The following ARHGAP1 variants were observed in gnomAD, a reference collection of about 807,000 sequenced individuals.
ARHGAP1 encodes rho GTPase-activating protein 1.
Under a neutral mutation model 52.2 loss-of-function variants are expected in ARHGAP1, and 23 were observed. The observed-to-expected ratio is 0.44, with a 90% CI of 0.32 to 0.62. The LOEUF is 0.62. Among genes scored for constraint, ARHGAP1 ranks in the 20% least tolerant of loss-of-function variants. The pLI is 0.05. For missense variants in ARHGAP1, 480 were observed against 560.9 expected (o/e 0.86, Z 1.46); for synonymous variants, 210 against 228.4 (o/e 0.92, Z 0.73).
intron 4 of ARHGAP1, among the ~76,000 whole-genome samples, chr11:46,685,788 C>G (rs1040088359): frequency 3.2e-4 from 46 of 145,890 alleles, no homozygotes; most frequent in Admixed American, 3.5e-4. Flanking sequence ...AAGCAATTCT[C>G]TTGCCTCAGC....
chr11:46,685,742 A>G (rs1421843144), intron 4 of ARHGAP1, among the ~76,000 whole-genome samples: 1 of 144,408 alleles, frequency 6.9e-6, no homozygotes, highest in African/African-American at 2.6e-5. Context: ...GCAGTGGCGC[A>G]ATCTCGGCTG....
Position 46,681,764 on chromosome 11 carries a change from T to C in ARHGAP1, c.449+287A>G, listed in dbSNP as rs2064530533. On this transcript the variant is annotated intron_variant, in intron 5 of 12. Coordinates refer to ENST00000311956, the MANE Select transcript of ARHGAP1 (RefSeq NM_004308.5). The surrounding 1 kb of genome is among the most constrained non-coding windows in gnomAD (Gnocchi z 5.7). ...GCATATTTTCTGATTTGAACATGCATGGCCAGCATGCGAGGTAAGGGCCAT... is the reference window on the plus strand; with the variant it reads ...GCATATTTTCTGATTTGAACATGCACGGCCAGCATGCGAGGTAAGGGCCAT... Among the ~76,000 whole-genome samples, 1 of 152,152 alleles carries C rather than the reference T, an allele frequency of 6.6e-6. No individual in the cohort carries two copies. Among genetic ancestry groups the C allele is most frequent in the Non-Finnish European group, 1.5e-5 (1 of 68,018 alleles).
chr11:46,685,648 A>G (rs891589044), intron 4 of ARHGAP1, among the ~76,000 whole-genome samples: 3 of 149,096 alleles, frequency 2.0e-5, no homozygotes, highest in Non-Finnish European at 4.4e-5. Context: ...TAATGCCCAC[A>G]ACAGCCCTGG....
chr11:46,692,207 C>T (rs2064619922), intron 3 of ARHGAP1, among the ~76,000 whole-genome samples: 1 of 152,166 alleles, frequency 6.6e-6, no homozygotes, highest in Admixed American at 6.5e-5. Context: ...TGGCAGGGGC[C>T]AGGGACAAAG....
intron 3 of ARHGAP1, among the ~76,000 whole-genome samples, chr11:46,692,375 C>A (rs901527478): frequency 9.9e-5 from 15 of 152,196 alleles, no homozygotes; most frequent in Non-Finnish European, 1.9e-4. Flanking sequence ...ATGGGGGCTA[C>A]CAAAAGGATC....
chr11:46,680,220 G>T lies in ARHGAP1; in HGVS notation c.883C>A (p.Gln295Lys). The change falls in exon 10 of 13, where the codon CAG becomes AAG. Residue 295 changes from glutamine to lysine, a missense_variant. By Grantham distance (53) the Gln-to-Lys change is moderately conservative (BLOSUM62 1). Transcript: ENST00000311956. The surrounding 1 kb of genome is among the most constrained non-coding windows in gnomAD (Gnocchi z 5.9). ...ANTQVVREVQQKYNMGLPVDF... is the reference protein window; with the variant it reads ...ANTQVVREVQKKYNMGLPVDF... ...GGCTGCTCACCCATGTTGTACTTCT[G>T]CTGCACTTCCCGGACCACTTGGGTG... The T allele has an allele frequency of 1.2e-6, 2 of 1,614,104 alleles. No homozygotes were observed. Among genetic ancestry groups the T allele is most frequent in the Non-Finnish European group, 1.7e-6 (2 of 1,180,020 alleles).
At chr11:46,694,541 G>A (rs2064638414) in intron 3 of ARHGAP1, among the ~76,000 whole-genome samples, 1 of 152,064 alleles carries the variant, frequency 6.6e-6, no homozygotes, top group African/African-American at 2.4e-5. Context: ...GGTGGGGAGG[G>A]GCAGGCTCCC....
At chr11:46,688,347 A>C in intron 3 of ARHGAP1, 87 bp from the exon 4 acceptor site, 1 of 1,335,006 alleles carries the variant, frequency 7.5e-7, no homozygotes, top group Non-Finnish European at 1.0e-6. Context: ...AGGCCTGCTG[A>C]TCTGAGCCAG....
intron 3 of ARHGAP1, among the ~76,000 whole-genome samples, chr11:46,688,538 G>A (rs966687973): frequency 6.6e-6 from 1 of 152,036 alleles, no homozygotes; most frequent in African/African-American, 2.4e-5. Context: ...CTGGAATGTA[G>A]TGGCGCAATC....
At chr11:46,694,502 G>A (rs2064638120) in intron 3 of ARHGAP1, among the ~76,000 whole-genome samples, 1 of 152,212 alleles carries the variant, frequency 6.6e-6, no homozygotes, top group Non-Finnish European at 1.5e-5. Flanking sequence ...CTGTGCGGGG[G>A]TTGTGGGGAA....
chr11:46,679,130 G>T lies in ARHGAP1; in HGVS notation c.1227C>A (p.Thr409=). Residue 409 remains threonine (T), a synonymous_variant, in exon 13 of 13, where the codon ACC becomes ACA. Coordinates refer to ENST00000311956, the MANE Select transcript of ARHGAP1 (RefSeq NM_004308.5). The surrounding 1 kb of genome is among the most constrained non-coding windows in gnomAD (Gnocchi z 4.4). The part of the protein sequence containing the change: ...NLLWAKDAAI[T]LKAINPINTF... ...TGTTGATGGGATTAATGGCCTTGAG[G>T]GTGATGGCCGCATCCTTGGCCCACA... 1 of 1,614,116 alleles carries T rather than the reference G, an allele frequency of 6.2e-7. No homozygotes were observed. The highest frequency in any genetic ancestry group is 8.5e-7 in the Non-Finnish European group (1 of 1,179,976).
In ARHGAP1 at chr11:46,679,770, G is replaced by A. The variant is rs1180121856; in HGVS notation, c.905C>T (p.Pro302Leu). The change falls in exon 11 of 13, where the codon CCT becomes CTT. Residue 302 changes from proline to leucine, a missense_variant. Pro to Leu is a moderately conservative substitution (Grantham distance 98, BLOSUM62 -3). Transcript: ENST00000311956. The surrounding 1 kb of genome is among the most constrained non-coding windows in gnomAD (Gnocchi z 4.4). ...EVQQKYNMGL[P>L]VDFDQYNELH... ...CTCATTGTACTGGTCGAAATCCACA[G>A]GCAGCCCTGGGGTGGGGGCAGCGTG... 6.8e-6 allele frequency: 11 copies of A among 1,613,500 alleles called. No homozygotes were observed. Among genetic ancestry groups the A allele is most frequent in the Non-Finnish European group, 9.3e-6 (11 of 1,179,910 alleles).
At chr11:46,691,761 G>T (rs1763978113) in intron 3 of ARHGAP1, among the ~76,000 whole-genome samples, 1 of 151,822 alleles carries the variant, frequency 6.6e-6, no homozygotes, top group African/African-American at 2.4e-5. Context: ...CTTAATTTTT[G>T]TATTTTAGTA....
rs975134009 is a variant in ARHGAP1, at chr11:46,696,499, C to T, written c.-49-343G>A. ...CCCAGCTGTAGAGGGCAGAGGTCCA[C>T]GCCCCTCGCCTCAGGAGACCTGGAC... On this transcript the variant is annotated intron_variant, in intron 1 of 12. Coordinates refer to ENST00000311956, the MANE Select transcript of ARHGAP1 (RefSeq NM_004308.5). The surrounding 1 kb of genome is among the most constrained non-coding windows in gnomAD (Gnocchi z 4.8). 3.3e-5 allele frequency among the ~76,000 whole-genome samples: 5 copies of T among 152,296 alleles called. No individual in the cohort carries two copies. The South Asian group carries it at 6.2e-4, about 19-fold the overall frequency.
At chr11:46,692,229 C>G (rs1045998948) in intron 3 of ARHGAP1, among the ~76,000 whole-genome samples, 12 of 152,182 alleles carry the variant, frequency 7.9e-5, no homozygotes, top group African/African-American at 2.7e-4. Flanking sequence ...GTTAGACTGG[C>G]AAGCCCAGTC....
intron 4 of ARHGAP1, among the ~76,000 whole-genome samples, chr11:46,683,603 G>C (rs926132301): frequency 2.0e-5 from 3 of 151,318 alleles, no homozygotes; most frequent in Non-Finnish European, 4.4e-5. Context: ...GAATGAACAA[G>C]AACTGGGGAA....
At chr11:46,684,629 GC>G (rs2064554266) in intron 4 of ARHGAP1, among the ~76,000 whole-genome samples, 1 of 152,196 alleles carries the variant, frequency 6.6e-6, no homozygotes, top group African/African-American at 2.4e-5. Flanking sequence ...CAGTGTTTAT[GC>G]CCTTTGTAGG....
intron 3 of ARHGAP1, chr11:46,695,348 G>T (rs2064644091): frequency 2.5e-6 from 1 of 406,850 alleles, no homozygotes; most frequent in South Asian, 2.0e-5. Context: ...TGGAGGGGTA[G>T]GAGGGCAATA....
At chr11:46,686,101 A>C (rs1364818946) in intron 4 of ARHGAP1, among the ~76,000 whole-genome samples, 1 of 151,000 alleles carries the variant, frequency 6.6e-6, no homozygotes, top group African/African-American at 2.4e-5. Context: ...CCTCTTGAGT[A>C]GCTGGGATTA....
Sources: allele counts gnomAD v4.1 joint callset (sites outside exome capture counted in the v4.1 genomes callset), GRCh38; gene constraint gnomAD v4.1.1; non-coding constraint Gnocchi (gnomAD v3.1); transcripts MANE v1.5; gene names NCBI Gene and HGNC (gene_info 2026-07-23, HGNC 2026-07-21).